KLHL11: variants seen among roughly 807,000 people sequenced by gnomAD.
KLHL11 encodes the protein kelch-like protein 11.
In KLHL11, 26 loss-of-function variants were observed where a neutral mutation model predicts 56.1. That is an observed-to-expected ratio of 0.46 (90% CI 0.34 to 0.64). KLHL11 has a LOEUF of 0.64. KLHL11 is among the 30% of genes least tolerant of loss of function. The pLI is 0.01. For synonymous variants in KLHL11, 338 were observed against 345.8 expected, an observed-to-expected ratio of 0.98 and a Z score of 0.25; for missense variants, 627 against 919.4, an observed-to-expected ratio of 0.68 and a Z score of 4.11.
At position 41,853,727 on chromosome 17, in the gene KLHL11, C is replaced by T. The variant is rs141272202; in HGVS notation, c.*13G>A. On this transcript the variant is annotated 3_prime_UTR_variant, in exon 2 of 2. Coordinates refer to ENST00000319121, the MANE Select transcript of KLHL11 (RefSeq NM_018143.3). ...ACGGGTGTAACAGTTTTAATCGGCACGCTTGAGAGAACCTAGCATTCAATC... is the reference window on the plus strand; with the variant it reads ...ACGGGTGTAACAGTTTTAATCGGCATGCTTGAGAGAACCTAGCATTCAATC... 2.8e-5 allele frequency: 45 copies of T among 1,595,568 alleles called. No homozygotes were observed. Among genetic ancestry groups the T allele is most frequent in the African/African-American group, 4.0e-5 (3 of 74,590 alleles).
At chr17:41,858,309 C>T (rs540048018) in intron 1 of KLHL11, among the ~76,000 whole-genome samples, 87 of 150,154 alleles carry the variant, frequency 5.8e-4, no homozygotes, top group South Asian at 1.1e-3. Flanking sequence ...TCACTGCAGC[C>T]TCGACCTCTA....
chr17:41,862,655 C>A (rs912998575), intron 1 of KLHL11, among the ~76,000 whole-genome samples: 4 of 152,070 alleles, frequency 2.6e-5, no homozygotes, highest in Admixed American at 1.3e-4. Flanking sequence ...CTGCCTCGGC[C>A]TCTCAAAGTG....
At position 41,851,739 on chromosome 17, in the gene KLHL11, C is replaced by G. The variant is rs1042003155; in HGVS notation, c.*2001G>C. 1.3e-4 allele frequency among the ~76,000 whole-genome samples: 20 copies of G among 151,564 alleles called. No homozygotes were observed. Among genetic ancestry groups the G allele is most frequent in the African/African-American group, 4.1e-4 (17 of 41,208 alleles). ...TCGGCAACATGGAGAAACCCCATCT[C>G]TACCAAAAATACAAAAAAAAAATTA... On this transcript the variant is annotated 3_prime_UTR_variant, in exon 2 of 2. Transcript: ENST00000319121.
chr17:41,865,159 A>C lies in KLHL11; in HGVS notation c.212T>G (p.Phe71Cys). 4 of 1,609,754 alleles carry C rather than the reference A, an allele frequency of 2.5e-6. No individual in the cohort carries two copies. Among genetic ancestry groups the C allele is most frequent in the Non-Finnish European group, 3.4e-6 (4 of 1,178,858 alleles). The change falls in exon 1 of 2, where the codon TTC becomes TGC. Residue 71 changes from phenylalanine (F) to cysteine (C), a missense_variant. By Grantham distance (205) the Phe-to-Cys change is radical. Coordinates refer to ENST00000319121, the MANE Select transcript of KLHL11 (RefSeq NM_018143.3). ...GGDPGPEAED[F>C]ECSSHCSELS... ...CTCTGAGCAGTGAGAGCTGCACTCG[A>C]AATCCTCGGCTTCTGGGCCCGGATC... is the stretch of plus-strand genomic sequence containing the variant.
chr17:41,865,333 G>GCCGCCGCCGCCGCCGCCGCCA lies in KLHL11; in HGVS notation c.17_37dup (p.Val6_Ala12dup). The GCCGCCGCCGCCGCCGCCGCCA allele has an allele frequency of 7.3e-7, 1 of 1,374,092 alleles. No homozygotes were observed. Among genetic ancestry groups the GCCGCCGCCGCCGCCGCCGCCA allele is most frequent in the Non-Finnish European group, 9.4e-7 (1 of 1,065,968 alleles). 85.1% of individuals were successfully genotyped at this position (1,374,092 alleles called of 1,614,324 possible). A position where few individuals can be genotyped will look rare whatever the true frequency, so the allele number is the denominator to read the frequency against. Reference sequence around the variant, plus strand: ...CAGTACCTGAAGAGATGCAGCCGCGGCCGCCGCCGCCGCCGCCGCCACTGC... The same window carrying GCCGCCGCCGCCGCCGCCGCCA: ...CAGTACCTGAAGAGATGCAGCCGCGGCCGCCGCCGCCGCCGCCGCCACCGCCGCCGCCGCCGCCGCCACTGC... On this transcript the variant is annotated inframe_insertion, in exon 1 of 2. Coordinates refer to ENST00000319121, the MANE Select transcript of KLHL11 (RefSeq NM_018143.3).
At position 41,864,923 on chromosome 17, in the gene KLHL11, C is replaced by T; in HGVS notation, c.448G>A (p.Glu150Lys). 6.2e-7 allele frequency: 1 copy of T among 1,610,852 alleles called. No individual in the cohort carries two copies. The highest frequency in any genetic ancestry group is 8.5e-7 in the Non-Finnish European group (1 of 1,178,936). The change falls in exon 1 of 2, where the codon GAA becomes AAA. Residue 150 changes from glutamate to lysine, a missense_variant. Physicochemically the swap from Glu to Lys is moderately conservative, Grantham distance 56 (BLOSUM62 1). This residue lies in a region of KLHL11 where 150 missense variants were observed against 215.7 expected (regional missense o/e 0.70). Coordinates refer to ENST00000319121, the MANE Select transcript of KLHL11 (RefSeq NM_018143.3). ...ATTACGGCTTCCACTGTGTCGGGTTCGGGCCCCGGCTCGGAGCTCCACTTG... is the reference window on the plus strand; with the variant it reads ...ATTACGGCTTCCACTGTGTCGGGTTTGGGCCCCGGCTCGGAGCTCCACTTG... ...MRKWSSEPGP[E>K]PDTVEAVIEY...
chr17:41,858,312 G>A (rs1424165778), intron 1 of KLHL11, among the ~76,000 whole-genome samples: 7 of 139,772 alleles, frequency 5.0e-5, no homozygotes, highest in African/African-American at 2.7e-5. Flanking sequence ...CTGCAGCCTC[G>A]ACCTCTAGGG....
chr17:41,856,853 C>T (rs1017858204), intron 1 of KLHL11, among the ~76,000 whole-genome samples: 12 of 151,834 alleles, frequency 7.9e-5, no homozygotes, highest in African/African-American at 2.9e-4. Context: ...AACCTTGTCT[C>T]TAATAAAAAT....
In KLHL11 at chr17:41,865,385, G is replaced by A. The variant is rs2048437859; in HGVS notation, c.-15C>T. On this transcript the variant is annotated 5_prime_UTR_variant, in exon 1 of 2. Transcript: ENST00000319121. ...GCAGCCGCCATCTTGACGCCGCTGCGCCCGGCCTCCACAGCCTCGGAACGA... is the reference window on the plus strand; with the variant it reads ...GCAGCCGCCATCTTGACGCCGCTGCACCCGGCCTCCACAGCCTCGGAACGA... The A allele has an allele frequency of 1.5e-6, 2 of 1,372,834 alleles. No individual in the cohort carries two copies. The highest frequency in any genetic ancestry group is 1.5e-5 in the African/African-American group (1 of 64,874). 85.0% of individuals were successfully genotyped at this position (1,372,834 alleles called of 1,614,324 possible).
intron 1 of KLHL11, among the ~76,000 whole-genome samples, chr17:41,855,635 T>A (rs2048360114): frequency 1.3e-5 from 2 of 151,922 alleles, no homozygotes; most frequent in South Asian, 4.1e-4. Flanking sequence ...CCTCCCAAAG[T>A]GCTGGGATTA....
intron 1 of KLHL11, among the ~76,000 whole-genome samples, chr17:41,861,034 G>A (rs572768272): frequency 1.3e-5 from 2 of 152,284 alleles, no homozygotes; most frequent in South Asian, 4.1e-4. Flanking sequence ...GGCTTTCTCT[G>A]AGGCCTCCCC....
At position 41,864,827 on chromosome 17, in the gene KLHL11, T is replaced by C; in HGVS notation, c.544A>G (p.Arg182Gly). The change falls in exon 1 of 2, where the codon AGG (arginine) becomes GGG (glycine). Residue 182 changes from arginine to glycine, a missense_variant and splice_region_variant. Physicochemically the swap from Arg to Gly is moderately radical, Grantham distance 125. Transcript: ENST00000319121. Reference sequence around the variant, plus strand: ...CGCGCTCCCGCCTCCCTCGCCTACCTGTCGGCCAACTCCAGCACCTCGTGC... The same window carrying C: ...CGCGCTCCCGCCTCCCTCGCCTACCCGTCGGCCAACTCCAGCACCTCGTGC... ...SVHEVLELAD[R>G]FLLIRLKEFC... 6.7e-7 allele frequency: 1 copy of C among 1,502,348 alleles called. No homozygotes were observed. 93.1% of individuals were successfully genotyped at this position (1,502,348 alleles called of 1,614,324 possible). A position where few individuals can be genotyped will look rare whatever the true frequency, so the allele number is the denominator to read the frequency against.
At position 41,853,918 on chromosome 17, in the gene KLHL11, G is replaced by A. The variant is rs782536248; in HGVS notation, c.1949C>T (p.Pro650Leu). ...GTGACAAGCAGTGGCTCTACAACGA[G>A]GTTGTGGCATAGGAGGAAGAAGCAT... ...RWMLLPPMPQ[P>L]RCRATACHVR... Residue 650 changes from proline to leucine, a missense_variant, in exon 2 of 2, where the codon CCT becomes CTT. Around this residue, in one of 4 missense-constraint regions of KLHL11, gnomAD observed 250 missense variants for 360.6 expected, o/e 0.69. Transcript: ENST00000319121. 5 of 1,614,188 alleles carry A rather than the reference G, an allele frequency of 3.1e-6. No individual in the cohort carries two copies. The highest frequency in any genetic ancestry group is 4.2e-6 in the Non-Finnish European group (5 of 1,180,036).
Position 41,853,415 on chromosome 17 carries a change from G to A in KLHL11, c.*325C>T, listed in dbSNP as rs782211586. 1.4e-5 allele frequency: 3 copies of A among 215,230 alleles called. No homozygotes were observed. Among genetic ancestry groups the A allele is most frequent in the African/African-American group, 4.6e-5 (2 of 43,700 alleles). 13.3% of individuals were successfully genotyped at this position (215,230 alleles called of 1,614,324 possible). ...TTGGTGCTTAAAGCATGTTCAAAAC[G>A]TAAGTCCTCAAGACAAAGGAGTCAT... On this transcript the variant is annotated 3_prime_UTR_variant, in exon 2 of 2. Transcript: ENST00000319121.
Position 41,854,667 on chromosome 17 carries a change from A to G in KLHL11, c.1200T>C (p.His400=). Reference sequence around the variant, plus strand: ...CGTAGGATTCTGTTACTGCAACAGCATGTCCATCGAGGTGATTATGAATAT... The same window carrying G: ...CGTAGGATTCTGTTACTGCAACAGCGTGTCCATCGAGGTGATTATGAATAT... ...LPHIHNHLDG[H]AVAVTESYVY... Residue 400 remains histidine (H), a synonymous_variant, in exon 2 of 2, where the codon CAT becomes CAC. Coordinates refer to ENST00000319121, the MANE Select transcript of KLHL11 (RefSeq NM_018143.3). This position sits in a 1 kb window ranked among gnomAD's most constrained non-coding sequence, Gnocchi z 4.9. 1 of 1,614,196 alleles carries G rather than the reference A, an allele frequency of 6.2e-7. No individual in the cohort carries two copies.
rs1351282909 is a variant in KLHL11, at chr17:41,858,386, C to A, written c.546-3065G>T. Among the ~76,000 whole-genome samples, 7 of 134,620 alleles carry A rather than the reference C, an allele frequency of 5.2e-5. No homozygotes were observed. In the Admixed American group the frequency reaches 5.3e-4, roughly 10 times the overall value. The allele number at this position is 134,620 out of a possible 152,430, so 88.3% of individuals were successfully genotyped here. On this transcript the variant is annotated intron_variant, in intron 1 of 1. Coordinates refer to ENST00000319121, the MANE Select transcript of KLHL11 (RefSeq NM_018143.3). Reference sequence around the variant, plus strand: ...GGACTACAGGAACATGCCACCAAACCCAGATATATATATATATATTTTTTG... The same window carrying A: ...GGACTACAGGAACATGCCACCAAACACAGATATATATATATATATTTTTTG...
Position 41,854,536 on chromosome 17 carries a change from T to C in KLHL11, c.1331A>G (p.His444Arg). 2.5e-6 allele frequency: 4 copies of C among 1,614,222 alleles called. No individual in the cohort carries two copies. Among genetic ancestry groups the C allele is most frequent in the Non-Finnish European group, 8.5e-7 (1 of 1,180,028 alleles). The change falls in exon 2 of 2, where the codon CAT becomes CGT. Residue 444 changes from histidine (H) to arginine (R), a missense_variant. By Grantham distance (29) the His-to-Arg change is conservative (BLOSUM62 0). Coordinates refer to ENST00000319121, the MANE Select transcript of KLHL11 (RefSeq NM_018143.3). This position sits in a 1 kb window ranked among gnomAD's most constrained non-coding sequence, Gnocchi z 4.9. ...EHVCSLMTRK[H>R]SFGLTEVKGK... ...TTTGACTTCTGTTAGTCCAAAAGAA[T>C]GCTTTCTTGTCATCAGACTACAAAC...
At chr17:41,862,092 CTT>C (rs782259380) in intron 1 of KLHL11, among the ~76,000 whole-genome samples, 1 of 145,932 alleles carries the variant, frequency 6.9e-6, no homozygotes. Flanking sequence ...CTTTAAGATT[CTT>C]TTTTTTTTTT....
chr17:41,852,651 C>T lies in KLHL11; in HGVS notation c.*1089G>A, dbSNP rs976927706. On this transcript the variant is annotated 3_prime_UTR_variant, in exon 2 of 2. Transcript: ENST00000319121. ...ACTAAAAGCACAAAAATTAGCCAGG[C>T]GTGATGGTGGGTACCTGTAATCCCA... is the stretch of plus-strand genomic sequence containing the variant. Among the ~76,000 whole-genome samples the T allele has an allele frequency of 2.6e-5, 4 of 151,452 alleles. No individual in the cohort carries two copies. Among genetic ancestry groups the T allele is most frequent in the Admixed American group, 2.0e-4 (3 of 15,190 alleles).
Sources: gnomAD v4.1 joint callset for allele counts (sites outside exome capture counted in the v4.1 genomes callset) on GRCh38, gnomAD v4.1.1 for gene constraint, gnomAD v4.1.1 regional missense constraint, Gnocchi (gnomAD v3.1) non-coding constraint, MANE v1.5 for transcripts, NCBI Gene and HGNC (gene_info 2026-07-23, HGNC 2026-07-21) for gene names.